CELF2: variants seen among roughly 807,000 people sequenced by gnomAD.
CELF2 encodes the protein CUGBP Elav-like family member 2.
In CELF2, 8 loss-of-function variants were observed where a neutral mutation model predicts 62.6. The observed-to-expected ratio is 0.13, with a 90% confidence interval of 0.07 to 0.23. CELF2 has a LOEUF of 0.23. Among genes scored for constraint, CELF2 ranks in the 10% least tolerant of loss-of-function variants. The probability of loss-of-function intolerance (pLI) is 1.00; values close to 1 mark genes in which losing one functional copy is unlikely to be tolerated. For synonymous variants in CELF2, 258 were observed against 250.0 expected (o/e 1.03, Z -0.30); for missense variants, 333 against 671.0 (o/e 0.50, Z 5.56).
intron 2 of CELF2, among the ~76,000 whole-genome samples, chr10:10,994,085 C>G (rs1376513152): frequency 1.3e-5 from 2 of 152,158 alleles, no homozygotes; most frequent in African/African-American, 4.8e-5. Context: ...CCCTAGCTGA[C>G]TAACACAAGT....
chr10:11,165,510 C>T lies in CELF2; in HGVS notation c.99C>T (p.Asn33=), dbSNP rs1169324104. 2 of 1,613,674 alleles carry T rather than the reference C, an allele frequency of 1.2e-6. No individual in the cohort carries two copies. Among genetic ancestry groups the T allele is most frequent in the South Asian group, 1.1e-5 (1 of 91,040 alleles). Residue 33 remains asparagine (N), a synonymous_variant, in exon 2 of 13, where the codon AAC becomes AAT. Transcript: ENST00000633077. The surrounding 1 kb of genome is among the most constrained non-coding windows in gnomAD (Gnocchi z 7.4). ...DRINGTANKM[N]GALDHSDQPD... ...GTAACGGCACAGCCAACAAGATGAA[C>T]GGAGCTTTGGATCACTCAGACCAAC...
At chr10:10,533,595 T>C in the CELF2 span, among the ~76,000 whole-genome samples, 21 of 152,336 alleles carry the variant, frequency 1.4e-4, no homozygotes, top group East Asian at 3.1e-3. Flanking sequence ...AAACTCCAGT[T>C]TGAATCTGGA....
At chr10:10,653,821 A>G in the CELF2 span, among the ~76,000 whole-genome samples, 1 of 149,216 alleles carries the variant, frequency 6.7e-6, no homozygotes, top group East Asian at 1.9e-4. Flanking sequence ...GAAAAGCAAG[A>G]GCAAACACAT....
chr10:11,318,546 C>T lies in CELF2; in HGVS notation c.1097-2643C>T, dbSNP rs534468039. 6 of 364,604 alleles carry T rather than the reference C, an allele frequency of 1.6e-5. No homozygotes were observed. The highest frequency in any genetic ancestry group is 1.1e-4 in the South Asian group (5 of 47,164). 22.6% of individuals were successfully genotyped at this position (364,604 alleles called of 1,614,324 possible). A position where few individuals can be genotyped will look rare whatever the true frequency, so the allele number is the denominator to read the frequency against. ...AGCTCTGAGGTGTAGTCCAGAGACA[C>T]AGCCAGCCTCTGTGAAGTGGAGCCA... On this transcript the variant is annotated intron_variant, in intron 10 of 12. Coordinates refer to ENST00000633077, the MANE Select transcript of CELF2 (RefSeq NM_001326342.2). This position sits in a 1 kb window ranked among gnomAD's most constrained non-coding sequence, Gnocchi z 5.4.
In CELF2 at chr10:11,165,334, T is replaced by G; in HGVS notation, c.75-152T>G. On this transcript the variant is annotated intron_variant, in intron 1 of 12. Transcript: ENST00000633077. This position sits in a 1 kb window ranked among gnomAD's most constrained non-coding sequence, Gnocchi z 7.4. ...CAACTCATGGTGCCTCCGCTTTGTT[T>G]TAGTTCATCAAATTTCTACGACTCA... 1 of 1,443,578 alleles carries G rather than the reference T, an allele frequency of 6.9e-7. No individual in the cohort carries two copies. Among genetic ancestry groups the G allele is most frequent in the Non-Finnish European group, 9.1e-7 (1 of 1,102,830 alleles). The allele number at this position is 1,443,578 out of a possible 1,614,324, so 89.4% of individuals were successfully genotyped here.
At chr10:10,518,934 G>A in the CELF2 span, among the ~76,000 whole-genome samples, 10 of 152,196 alleles carry the variant, frequency 6.6e-5, no homozygotes, top group East Asian at 7.7e-4. Context: ...ACAACAATTT[G>A]TCAGGACTTC....
At chr10:11,326,688 C>G (rs572850512) in intron 12 of CELF2, among the ~76,000 whole-genome samples, 1 of 152,180 alleles carries the variant, frequency 6.6e-6, no homozygotes, top group African/African-American at 2.4e-5. Flanking sequence ...TTCCTTGTTT[C>G]ATTTTTCAAA....
Position 11,163,940 on chromosome 10 carries a change from C to T in CELF2, c.75-1546C>T, listed in dbSNP as rs368211508. On this transcript the variant is annotated intron_variant, in intron 1 of 12. Transcript: ENST00000633077. ...CTGATGGTGTATTTGTCTGGTGTTT[C>T]ATTTTAACCAAGTAAGTAGCTCTCT... 2.4e-4 allele frequency among the ~76,000 whole-genome samples: 36 copies of T among 152,336 alleles called. 1 individual carries two copies. The East Asian group carries it at 6.0e-3, about 25-fold the overall frequency.
rs867798325 is a variant in CELF2 at position 11,314,566 on chromosome 10, C to T, written c.1096+308C>T. ...GAGTTTGGTTTGGTTTGGTTTCGGT[C>T]GGTTCTGTCCTGCGAGGCAGGGTGT... On this transcript the variant is annotated intron_variant, in intron 10 of 12. Coordinates refer to ENST00000633077, the MANE Select transcript of CELF2 (RefSeq NM_001326342.2). The surrounding 1 kb of genome is among the most constrained non-coding windows in gnomAD (Gnocchi z 5.3). 4.8e-6 allele frequency: 2 copies of T among 416,134 alleles called. No homozygotes were observed. The highest frequency in any genetic ancestry group is 6.9e-5 in the Admixed American group (2 of 28,874). 25.8% of individuals were successfully genotyped at this position (416,134 alleles called of 1,614,324 possible).
Position 11,116,164 on chromosome 10 carries a change from T to G in CELF2, c.75-49322T>G, listed in dbSNP as rs142786853. ...TTGAATTGCTTCTCTGCAAGAATGC[T>G]AGATCGTAGAAATGTACAAACCATC... is the stretch of plus-strand genomic sequence containing the variant. On this transcript the variant is annotated intron_variant, in intron 1 of 12. Coordinates refer to ENST00000633077, the MANE Select transcript of CELF2 (RefSeq NM_001326342.2). Among the ~76,000 whole-genome samples, 463 of 152,366 alleles carry G rather than the reference T, an allele frequency of 3.0e-3. 2 individuals carry two copies. The highest frequency in any genetic ancestry group is 0.011 in the African/African-American group (438 of 41,594).
At chr10:11,249,367 G>A (rs992997887) in intron 4 of CELF2, among the ~76,000 whole-genome samples, 166 bp downstream of exon 4, 1 of 152,164 alleles carries the variant, frequency 6.6e-6, no homozygotes, top group East Asian at 1.9e-4. Context: ...TAATGCACTC[G>A]CCACTCTCCT....
Position 10,866,530 on chromosome 10 carries a change from G to A in CELF2, c.54-53434G>A, listed in dbSNP as rs542762445. Reference sequence around the variant, plus strand: ...TGAGGGAGCAGAATCGCTTGAACCCGAGAGGTGGAGGTTGCAGTGAGCCGA... The same window carrying A: ...TGAGGGAGCAGAATCGCTTGAACCCAAGAGGTGGAGGTTGCAGTGAGCCGA... On this transcript the variant is annotated intron_variant, in intron 1 of 13. Coordinates refer to the CELF2 transcript ENST00000636488. 9.4e-5 allele frequency among the ~76,000 whole-genome samples: 14 copies of A among 148,342 alleles called. No homozygotes were observed. The East Asian group carries it at 2.8e-3, about 30-fold the overall frequency.
chr10:10,741,852 A>G, the CELF2 span, among the ~76,000 whole-genome samples: 1 of 152,166 alleles, frequency 6.6e-6, no homozygotes. Context: ...TTTGCCCTCT[A>G]ATTTTATAAT....
intron 2 of CELF2, among the ~76,000 whole-genome samples, chr10:10,962,031 C>A (rs1280923391): frequency 6.6e-6 from 1 of 151,604 alleles, no homozygotes; most frequent in Admixed American, 6.6e-5. Context: ...AGTTCAGGAC[C>A]AGCCTGGGCA....
intron 1 of CELF2, among the ~76,000 whole-genome samples, chr10:10,851,524 G>A (rs1198625859): frequency 6.6e-6 from 1 of 152,168 alleles, no homozygotes; most frequent in Non-Finnish European, 1.5e-5. Flanking sequence ...TTGTGACCTT[G>A]TGTAGGCAAA....
At chr10:10,742,134 T>C in the CELF2 span, among the ~76,000 whole-genome samples, 10 of 152,226 alleles carry the variant, frequency 6.6e-5, no homozygotes, top group African/African-American at 2.4e-4. Context: ...AAACTGCAAC[T>C]TGAAGTGAAA....
intron 1 of CELF2, among the ~76,000 whole-genome samples, chr10:10,828,687 G>A (rs2057606288): frequency 8.4e-6 from 1 of 118,416 alleles, no homozygotes; most frequent in Non-Finnish European, 1.8e-5. Context: ...GAAATCAACA[G>A]ATAAAATGGA....
the CELF2 span, among the ~76,000 whole-genome samples, chr10:10,673,406 T>C: frequency 6.6e-6 from 1 of 152,098 alleles, no homozygotes; most frequent in Admixed American, 6.5e-5. Context: ...TCTGATACAG[T>C]AATTTGTGTT....
At chr10:10,690,574 C>T in the CELF2 span, among the ~76,000 whole-genome samples, 2 of 152,138 alleles carry the variant, frequency 1.3e-5, no homozygotes, top group African/African-American at 4.8e-5. Flanking sequence ...AGACAGACCA[C>T]CTGCATGCAA....
Sources: allele counts gnomAD v4.1 joint callset (sites outside exome capture counted in the v4.1 genomes callset), GRCh38; gene constraint gnomAD v4.1.1; non-coding constraint Gnocchi (gnomAD v3.1); transcripts MANE v1.5; gene names NCBI Gene and HGNC (gene_info 2026-07-23, HGNC 2026-07-21).